Variants in ABHD17B observed in about 807,000 individuals in gnomAD.
The protein encoded by ABHD17B is alpha/beta hydrolase domain-containing protein 17B.
A neutral mutation model predicts 26.2 loss-of-function variants in ABHD17B; 9 were observed. That is an observed-to-expected ratio of 0.34 (90% CI 0.21 to 0.60). ABHD17B has a LOEUF of 0.60. Among genes scored for constraint, ABHD17B ranks in the 20% least tolerant of loss-of-function variants. ABHD17B has a pLI of 0.80. For synonymous variants in ABHD17B, 127 were observed against 122.3 expected (o/e 1.04, Z -0.25); for missense variants, 224 against 352.1 (o/e 0.64, Z 2.91).
rs183163645 is a variant in ABHD17B, at chr9:71,891,815, A to G, written c.-3-16732T>C. Among the ~76,000 whole-genome samples, 6 of 152,308 alleles carry G rather than the reference A, an allele frequency of 3.9e-5. No homozygotes were observed. The East Asian group carries it at 1.2e-3, about 29-fold the overall frequency. On this transcript the variant is annotated intron_variant, in intron 1 of 3. Coordinates refer to ENST00000333421, the MANE Select transcript of ABHD17B (RefSeq NM_001025780.3). The stretch of plus-strand genomic sequence containing the variant: ...CAAGTATGTTCTGTTTATCTCTTCA[A>G]TGGGACCAGAAGATACTTTACAAAT...
intron 3 of ABHD17B, among the ~76,000 whole-genome samples, chr9:71,867,241 T>A (rs2132120317): frequency 6.6e-6 from 1 of 152,322 alleles, no homozygotes; most frequent in African/African-American, 2.4e-5. Flanking sequence ...TTTGCTGGAA[T>A]CACTCAATGC....
intron 1 of ABHD17B, among the ~76,000 whole-genome samples, chr9:71,883,809 T>C (rs1826523039): frequency 1.3e-5 from 2 of 151,982 alleles, no homozygotes. Flanking sequence ...TGGTGGCGCG[T>C]GCCTGTAATC....
At chr9:71,892,671 G>A (rs936403311) in intron 1 of ABHD17B, among the ~76,000 whole-genome samples, 94 of 151,274 alleles carry the variant, frequency 6.2e-4, no homozygotes, top group African/African-American at 2.1e-3. Context: ...GAAGGCAGGT[G>A]ATAAGGTGGG....
At chr9:71,897,855 G>A (rs979178959) in intron 1 of ABHD17B, among the ~76,000 whole-genome samples, 4 of 152,116 alleles carry the variant, frequency 2.6e-5, no homozygotes, top group African/African-American at 9.7e-5. Flanking sequence ...GCATCTGTAA[G>A]TAAAGGTTTG....
At chr9:71,882,902 T>C (rs1172332818) in intron 1 of ABHD17B, among the ~76,000 whole-genome samples, 2 of 151,972 alleles carry the variant, frequency 1.3e-5, no homozygotes, top group Non-Finnish European at 2.9e-5. Context: ...TCCCAGCACT[T>C]TGGGAGGCCG....
chr9:71,895,879 T>C (rs1003095420), intron 1 of ABHD17B, among the ~76,000 whole-genome samples: 4 of 152,172 alleles, frequency 2.6e-5, no homozygotes, highest in Admixed American at 6.5e-5. Context: ...TTTAGAGCTG[T>C]GGTTCATGGA....
At chr9:71,873,040 A>T (rs1030950102) in intron 2 of ABHD17B, among the ~76,000 whole-genome samples, 1 of 151,996 alleles carries the variant, frequency 6.6e-6, no homozygotes, top group Non-Finnish European at 1.5e-5. Flanking sequence ...CTTTATTATT[A>T]AAATTGAGGA....
chr9:71,893,530 T>C, intron 1 of ABHD17B, among the ~76,000 whole-genome samples: 1 of 152,204 alleles, frequency 6.6e-6, no homozygotes, highest in Non-Finnish European at 1.5e-5. Context: ...AGGAAGGGGA[T>C]GCCACCCTCC....
intron 1 of ABHD17B, among the ~76,000 whole-genome samples, chr9:71,885,759 A>G (rs1377384301): frequency 6.6e-6 from 1 of 152,194 alleles, no homozygotes; most frequent in Non-Finnish European, 1.5e-5. Flanking sequence ...TAACGTAAGA[A>G]ATTACTGACA....
Position 71,865,301 on chromosome 9 carries a change from A to G in ABHD17B, c.*1486T>C. The G allele has an allele frequency of 1.0e-6, 1 of 985,642 alleles. No homozygotes were observed. Among genetic ancestry groups the G allele is most frequent in the South Asian group, 4.7e-5 (1 of 21,278 alleles). The allele number at this position is 985,642 out of a possible 1,614,324, so 61.1% of individuals were successfully genotyped here. ...ACAATTAAAACTACATAAGGCCTTA[A>G]AATATATCCACAGTGTGTATTATTT... On this transcript the variant is annotated 3_prime_UTR_variant, in exon 4 of 4. Coordinates refer to ENST00000333421, the MANE Select transcript of ABHD17B (RefSeq NM_001025780.3).
At chr9:71,868,201 G>A (rs1292898372) in intron 3 of ABHD17B, among the ~76,000 whole-genome samples, 5 of 151,734 alleles carry the variant, frequency 3.3e-5, no homozygotes, top group Non-Finnish European at 7.4e-5. Context: ...CCTGGGTGTC[G>A]CAGCGAGACT....
At chr9:71,909,648 TA>T (rs1207501784) in intron 1 of ABHD17B, among the ~76,000 whole-genome samples, 2 of 152,186 alleles carry the variant, frequency 1.3e-5, no homozygotes, top group African/African-American at 2.4e-5. Flanking sequence ...ATTAGAGGCA[TA>T]AAAAAATTCC....
At chr9:71,890,861 A>G (rs763103686) in intron 1 of ABHD17B, among the ~76,000 whole-genome samples, 1 of 152,186 alleles carries the variant, frequency 6.6e-6, no homozygotes, top group Non-Finnish European at 1.5e-5. Context: ...TTTAGACCCC[A>G]GTGATTTCTG....
intron 3 of ABHD17B, among the ~76,000 whole-genome samples, chr9:71,869,877 A>T (rs1826060541): frequency 6.6e-6 from 1 of 152,148 alleles, no homozygotes; most frequent in South Asian, 2.1e-4. Flanking sequence ...AGCAATTTTC[A>T]TCTGGATTAC....
rs988544130 is a variant in ABHD17B, at chr9:71,911,154, C to A, written c.-524G>T. On this transcript the variant is annotated 5_prime_UTR_variant, in exon 1 of 4. Coordinates refer to ENST00000333421, the MANE Select transcript of ABHD17B (RefSeq NM_001025780.3). Reference sequence around the variant, plus strand: ...GAAGACTGGAGGGGAACGGAGGGGACGAGCACAATCCCCACTGAGCCAGGA... The same window carrying A: ...GAAGACTGGAGGGGAACGGAGGGGAAGAGCACAATCCCCACTGAGCCAGGA... 6.6e-6 allele frequency among the ~76,000 whole-genome samples: 1 copy of A among 152,226 alleles called. No individual in the cohort carries two copies. Among genetic ancestry groups the A allele is most frequent in the East Asian group, 1.9e-4 (1 of 5,146 alleles).
intron 1 of ABHD17B, among the ~76,000 whole-genome samples, chr9:71,892,146 G>A (rs1826802649): frequency 2.0e-5 from 3 of 152,118 alleles, no homozygotes; most frequent in Admixed American, 2.0e-4. Context: ...GTTCTCATAA[G>A]CTTCAGATAC....
chr9:71,897,957 C>T (rs1202334027), intron 1 of ABHD17B, among the ~76,000 whole-genome samples: 1 of 152,122 alleles, frequency 6.6e-6, no homozygotes, highest in Admixed American at 6.5e-5. Context: ...CATTTCACCA[C>T]CTTCTTCAAA....
At chr9:71,867,572 G>A (rs1181624136) in intron 3 of ABHD17B, among the ~76,000 whole-genome samples, 1 of 152,182 alleles carries the variant, frequency 6.6e-6, no homozygotes, top group African/African-American at 2.4e-5. Flanking sequence ...ATGGTAAAGT[G>A]ATGAACGAAA....
chr9:71,868,947 C>T (rs534462573), intron 3 of ABHD17B, among the ~76,000 whole-genome samples: 4 of 152,240 alleles, frequency 2.6e-5, no homozygotes, highest in African/African-American at 9.6e-5. Context: ...CCACGGCCTC[C>T]AAAAGTGCTG....
Sources: gnomAD v4.1 joint callset for allele counts (sites outside exome capture counted in the v4.1 genomes callset) on GRCh38, gnomAD v4.1.1 for gene constraint, MANE v1.5 for transcripts, NCBI Gene and HGNC (gene_info 2026-07-23, HGNC 2026-07-21) for gene names.